SPAG6: variants seen among roughly 807,000 people sequenced by gnomAD.
SPAG6 encodes the protein sperm-associated antigen 6.
Under a neutral mutation model 58.5 loss-of-function variants are expected in SPAG6, and 49 were observed. The observed-to-expected ratio is 0.84, with a 90% CI of 0.67 to 1.06. The LOEUF (loss-of-function observed/expected upper bound fraction) is 1.06, where lower values mean the gene tolerates loss of function less well. SPAG6 is among the 50% of genes least tolerant of loss of function. The probability of loss-of-function intolerance (pLI) is 0.00; values close to 1 mark genes in which losing one functional copy is unlikely to be tolerated. For synonymous variants in SPAG6, 233 were observed against 225.6 expected (o/e 1.03, Z -0.29); for missense variants, 560 against 611.3 (o/e 0.92, Z 0.89).
At chr10:22,373,173 G>A (rs921201227) in intron 4 of SPAG6, among the ~76,000 whole-genome samples, 12 of 152,250 alleles carry the variant, frequency 7.9e-5, no homozygotes, top group Middle Eastern at 3.4e-3. Context: ...AGATGAGCTT[G>A]CTGCGCCAGA....
chr10:22,372,376 T>C (rs1006441988), intron 4 of SPAG6, among the ~76,000 whole-genome samples: 1 of 152,218 alleles, frequency 6.6e-6, no homozygotes, highest in African/African-American at 2.4e-5. Flanking sequence ...GTCTTGCTTT[T>C]GGAAAGGGTG....
chr10:22,408,953 C>A (rs1834640878), intron 9 of SPAG6, among the ~76,000 whole-genome samples: 1 of 152,234 alleles, frequency 6.6e-6, no homozygotes, highest in African/African-American at 2.4e-5. Flanking sequence ...TCCCTGACCC[C>A]TTGCGCTTCC....
intron 7 of SPAG6, among the ~76,000 whole-genome samples, chr10:22,390,678 T>G (rs1834164995): frequency 6.6e-6 from 1 of 152,224 alleles, no homozygotes; most frequent in African/African-American, 2.4e-5. Flanking sequence ...TTCCTCCTGT[T>G]TCTTCAGTCT....
intron 9 of SPAG6, among the ~76,000 whole-genome samples, chr10:22,402,100 C>G (rs554760050): frequency 5.2e-4 from 79 of 152,138 alleles, no homozygotes; most frequent in Middle Eastern, 6.8e-3. Flanking sequence ...TTTGGTTACC[C>G]ATAAAATGTA....
At chr10:22,354,505 GGAAA>G (rs940583959) in intron 2 of SPAG6, among the ~76,000 whole-genome samples, 7 of 152,224 alleles carry the variant, frequency 4.6e-5, no homozygotes, top group African/African-American at 1.7e-4. Context: ...ACAGATAGCT[GGAAA>G]GAAAGATTTG....
intron 2 of SPAG6, among the ~76,000 whole-genome samples, chr10:22,347,393 A>G (rs1836593774): frequency 1.3e-5 from 2 of 152,230 alleles, no homozygotes; most frequent in African/African-American, 4.8e-5. Context: ...AGAACATGTT[A>G]CATTTTAGAA....
chr10:22,358,489 T>G (rs1203348152), intron 2 of SPAG6, among the ~76,000 whole-genome samples: 1 of 152,110 alleles, frequency 6.6e-6, no homozygotes, highest in Non-Finnish European at 1.5e-5. Flanking sequence ...TAGCCCTTTG[T>G]CAGATGAGTA....
intron 4 of SPAG6, among the ~76,000 whole-genome samples, chr10:22,369,885 A>G (rs999450021): frequency 6.6e-6 from 1 of 152,218 alleles, no homozygotes; most frequent in East Asian, 1.9e-4. Flanking sequence ...CAAAACTATT[A>G]AAGTCATTGC....
chr10:22,349,740 A>G (rs1234807320), intron 2 of SPAG6, among the ~76,000 whole-genome samples: 1 of 152,260 alleles, frequency 6.6e-6, no homozygotes, highest in African/African-American at 2.4e-5. Context: ...TCAGAAGAGT[A>G]GGAATAAATA....
chr10:22,390,976 C>A (rs1369927021), intron 7 of SPAG6, among the ~76,000 whole-genome samples: 1 of 152,114 alleles, frequency 6.6e-6, no homozygotes, highest in African/African-American at 2.4e-5. Flanking sequence ...AAAATTACAC[C>A]TGTACAGAAT....
intron 10 of SPAG6, chr10:22,411,435 C>A: frequency 6.8e-6 from 2 of 295,104 alleles, no homozygotes; most frequent in East Asian, 6.2e-5. Context: ...TAAAGAGTAC[C>A]CAAATATAGA....
In SPAG6 at chr10:22,368,526, T is replaced by TA; in HGVS notation, c.321dup (p.Arg108ThrfsTer5). 1 of 1,614,018 alleles carries TA rather than the reference T, an allele frequency of 6.2e-7. No individual in the cohort carries two copies. ...TACAAGAAAGCAGCTGCCTTTGTGT[T>TA]ACGAGCAGTTGGTAAACATTCTCCC... On this transcript the variant is annotated frameshift_variant, in exon 4 of 11. Transcript: ENST00000376624. LOFTEE classifies it high-confidence loss of function.
intron 10 of SPAG6, among the ~76,000 whole-genome samples, chr10:22,414,947 G>A (rs1193182945): frequency 2.0e-5 from 3 of 152,026 alleles, no homozygotes; most frequent in African/African-American, 7.2e-5. Context: ...TGTATTTTTA[G>A]CACGGACGAG....
At chr10:22,410,982 TC>T (rs771688906) in intron 9 of SPAG6, 48 bp from the exon 10 acceptor site, 1 of 1,570,514 alleles carries the variant, frequency 6.4e-7, no homozygotes, top group Admixed American at 1.9e-5. Context: ...ATAGTAATAA[TC>T]TAACTTGGAA....
In SPAG6 at chr10:22,407,158, G is replaced by A. The variant is rs975985624; in HGVS notation, c.1315-3873G>A. ...TTACATTTAAAGTTAATATTGTTAT[G>A]TGTGAATTTGATCCTGTCATTATGA... On this transcript the variant is annotated intron_variant, in intron 9 of 10. Coordinates refer to ENST00000376624, the MANE Select transcript of SPAG6 (RefSeq NM_012443.4). Among the ~76,000 whole-genome samples the A allele has an allele frequency of 4.0e-5, 6 of 150,466 alleles. No individual in the cohort carries two copies. In the South Asian group the frequency reaches 6.3e-4, roughly 16 times the overall value.
intron 2 of SPAG6, among the ~76,000 whole-genome samples, chr10:22,359,148 C>A (rs1377864341): frequency 1.3e-5 from 2 of 151,982 alleles, no homozygotes; most frequent in Non-Finnish European, 2.9e-5. Flanking sequence ...TCTTATTGGA[C>A]CCCAGAAAGA....
rs142182214 is a variant in SPAG6, at chr10:22,368,515, T to C, written c.309T>C (p.Ala103=). 95 of 1,613,794 alleles carry C rather than the reference T, an allele frequency of 5.9e-5. No individual in the cohort carries two copies. The African/African-American group carries it at 1.0e-3, about 18-fold the overall frequency. Residue 103 remains alanine (A), a synonymous_variant, in exon 4 of 11, where the codon GCT becomes GCC. Transcript: ENST00000376624. The stretch of plus-strand genomic sequence containing the variant: ...TGTAGCGCTTCTACAAGAAAGCAGC[T>C]GCCTTTGTGTTACGAGCAGTTGGTA... ...AEQNRFYKKA[A]AFVLRAVGKH... is the part of the protein sequence containing the mutation.
intron 2 of SPAG6, chr10:22,360,954 T>C (rs1837020096): frequency 5.4e-6 from 4 of 740,596 alleles, no homozygotes; most frequent in African/African-American, 3.5e-5. Context: ...TATTTATCTG[T>C]AGTTTTAAGA....
At chr10:22,411,321 T>C (rs1251363069) in intron 10 of SPAG6, 145 bp downstream of exon 10, 2 of 581,178 alleles carry the variant, frequency 3.4e-6, no homozygotes, top group Non-Finnish European at 2.9e-6. Flanking sequence ...TCTTGATCTC[T>C]TCCCCCTGCC....
Sources: gnomAD v4.1 joint callset for allele counts (sites outside exome capture counted in the v4.1 genomes callset) on GRCh38, gnomAD v4.1.1 for gene constraint, MANE v1.5 for transcripts, NCBI Gene and HGNC (gene_info 2026-07-23, HGNC 2026-07-21) for gene names.